The following OSBPL10 variants were observed in gnomAD, a reference collection of about 807,000 sequenced individuals.
OSBPL10 encodes oxysterol binding protein like 10.
A neutral mutation model predicts 81.7 loss-of-function variants in OSBPL10; 49 were observed. The ratio of observed to expected loss-of-function variants is 0.60; its 90% CI spans 0.48 to 0.76. OSBPL10 has a LOEUF of 0.76. Ranked by LOEUF, OSBPL10 falls within the 30% of genes least tolerant of loss-of-function variation. The pLI is 0.00. For synonymous variants in OSBPL10, 419 were observed against 383.6 expected (o/e 1.09, Z -1.08); for missense variants, 923 against 987.8 (o/e 0.93, Z 0.88).
chr3:31,670,468 C>G lies in OSBPL10; in HGVS notation c.1913+329G>C, dbSNP rs1466903487. ...GAAATGGGGAACTGTCTGGCTATGT[C>G]TGGGTTCATAGATTCAATCACTTTA... On this transcript the variant is annotated intron_variant, in intron 9 of 11. Transcript: ENST00000396556. Among the ~76,000 whole-genome samples the G allele has an allele frequency of 2.6e-5, 4 of 152,114 alleles. No individual in the cohort carries two copies. In the East Asian group the frequency reaches 7.7e-4, roughly 29 times the overall value.
chr3:31,734,628 C>T (rs919524796), intron 5 of OSBPL10, among the ~76,000 whole-genome samples: 1 of 152,112 alleles, frequency 6.6e-6, no homozygotes, highest in African/African-American at 2.4e-5. Flanking sequence ...GTCCCAGCTA[C>T]TTGGGAAGCT....
chr3:31,839,430 T>C (rs771224246), intron 3 of OSBPL10, among the ~76,000 whole-genome samples: 7 of 152,094 alleles, frequency 4.6e-5, no homozygotes, highest in South Asian at 2.1e-4. Flanking sequence ...CTCACAGAAA[T>C]GGCATCCTGG....
At chr3:31,771,390 T>C (rs1055458302) in intron 4 of OSBPL10, among the ~76,000 whole-genome samples, 5 of 152,184 alleles carry the variant, frequency 3.3e-5, no homozygotes, top group Non-Finnish European at 5.9e-5. Flanking sequence ...ATAGAGCCAG[T>C]GTCCTTATGC....
intron 1 of OSBPL10, among the ~76,000 whole-genome samples, chr3:31,900,317 G>A (rs1351895318): frequency 2.0e-5 from 3 of 151,856 alleles, no homozygotes; most frequent in Non-Finnish European, 2.9e-5. Context: ...TGCTGCCACC[G>A]CACCCAGCCG....
chr3:31,674,501 A>G (rs1406280197), intron 8 of OSBPL10, among the ~76,000 whole-genome samples: 1 of 152,092 alleles, frequency 6.6e-6, no homozygotes, highest in Non-Finnish European at 1.5e-5. Flanking sequence ...TCGAGGCTGC[A>G]GTGAGCCATG....
In OSBPL10 at chr3:31,913,382, G is replaced by A. The variant is rs531035980; in HGVS notation, c.282-33552C>T. Among the ~76,000 whole-genome samples, 6 of 152,076 alleles carry A rather than the reference G, an allele frequency of 3.9e-5. No homozygotes were observed. In the East Asian group the frequency reaches 1.2e-3, roughly 29 times the overall value. ...TCCTGCCTCAGCCTCCCGAGTAGCT[G>A]GGACTACAGGCGCACAACACCACAC... On this transcript the variant is annotated intron_variant, in intron 1 of 11. Transcript: ENST00000396556.
chr3:31,863,108 C>G (rs1201802842), intron 3 of OSBPL10, among the ~76,000 whole-genome samples: 1 of 152,158 alleles, frequency 6.6e-6, no homozygotes, highest in Non-Finnish European at 1.5e-5. Flanking sequence ...CTGATTTATG[C>G]TACAACATGG....
chr3:31,918,885 CAA>C (rs536948139), intron 1 of OSBPL10, among the ~76,000 whole-genome samples: 138 of 152,250 alleles, frequency 9.1e-4, no homozygotes, highest in African/African-American at 3.2e-3. Context: ...ACAAGCAAAA[CAA>C]AACACATATG....
At chr3:31,782,817 A>C (rs1698731514) in intron 4 of OSBPL10, among the ~76,000 whole-genome samples, 1 of 152,134 alleles carries the variant, frequency 6.6e-6, no homozygotes, top group Non-Finnish European at 1.5e-5. Flanking sequence ...GGTGAAAAGG[A>C]AACACTTTTA....
At chr3:31,873,022 C>T (rs1340138713) in intron 3 of OSBPL10, among the ~76,000 whole-genome samples, 1 of 152,092 alleles carries the variant, frequency 6.6e-6, no homozygotes, top group Non-Finnish European at 1.5e-5. Flanking sequence ...AATAGGAAAC[C>T]AATCAGCAGT....
intron 3 of OSBPL10, among the ~76,000 whole-genome samples, chr3:31,834,279 T>G (rs908031797): frequency 2.0e-5 from 3 of 152,224 alleles, no homozygotes; most frequent in Admixed American, 1.3e-4. Flanking sequence ...GTTCCAAATA[T>G]TTACTTCAAT....
At chr3:31,691,544 T>A (rs1168370804) in intron 7 of OSBPL10, among the ~76,000 whole-genome samples, 1 of 152,088 alleles carries the variant, frequency 6.6e-6, no homozygotes, top group Admixed American at 6.5e-5. Flanking sequence ...CAAGACCTTG[T>A]TGTCTCTACA....
At position 31,661,879 on chromosome 3, in the gene OSBPL10, G is replaced by A; in HGVS notation, c.*193C>T. The A allele has an allele frequency of 1.3e-6, 1 of 745,486 alleles. No homozygotes were observed. The highest frequency in any genetic ancestry group is 2.1e-6 in the Non-Finnish European group (1 of 476,552). The allele number at this position is 745,486 out of a possible 1,614,324, so 46.2% of individuals were successfully genotyped here. On this transcript the variant is annotated 3_prime_UTR_variant, in exon 12 of 12. Transcript: ENST00000396556. ...TGTGTACACACACGTGCCCCGAATG[G>A]CTCTTGAATAAATTCATTCCTCTAG... is the stretch of plus-strand genomic sequence containing the variant.
chr3:31,852,647 C>T (rs6800272), intron 3 of OSBPL10, among the ~76,000 whole-genome samples: 55,351 of 151,874 alleles, frequency 0.36, 11,760 homozygotes, highest in South Asian at 0.57. Flanking sequence ...GGCATGCTCT[C>T]GACTCACTAC....
At chr3:31,774,077 G>A (rs1048033068) in intron 4 of OSBPL10, among the ~76,000 whole-genome samples, 1 of 150,708 alleles carries the variant, frequency 6.6e-6, no homozygotes, top group Non-Finnish European at 1.5e-5. Flanking sequence ...CAGGAGAATC[G>A]CTTGAACCTG....
chr3:31,794,953 A>G (rs1054931197), intron 4 of OSBPL10: 4 of 341,090 alleles, frequency 1.2e-5, no homozygotes, highest in East Asian at 9.4e-5. Context: ...AAACAGCTGT[A>G]AAGTCCATGT....
At chr3:31,926,161 G>A (rs1192936224) in intron 1 of OSBPL10, among the ~76,000 whole-genome samples, 1 of 152,094 alleles carries the variant, frequency 6.6e-6, no homozygotes, top group East Asian at 1.9e-4. Context: ...TTTTGCACTG[G>A]AGTTGGCTTA....
At chr3:31,762,373 G>A (rs112093787) in intron 4 of OSBPL10, among the ~76,000 whole-genome samples, 4,202 of 152,242 alleles carry the variant, frequency 0.028, 89 homozygotes, top group Middle Eastern at 0.041. Context: ...TGTGTGGCAG[G>A]GGCTGAGAAG....
At chr3:31,990,339 T>C (rs755042943) in intron 2 of OSBPL10, 121 of 1,614,002 alleles carry the variant, frequency 7.5e-5, no homozygotes, top group Non-Finnish European at 1.0e-4. Context: ...GGAGAATCCA[T>C]AATGAAGAGA....
Sources: allele counts gnomAD v4.1 joint callset (sites outside exome capture counted in the v4.1 genomes callset), GRCh38; gene constraint gnomAD v4.1.1; transcripts MANE v1.5; gene names NCBI Gene and HGNC (gene_info 2026-07-23, HGNC 2026-07-21).